CHRNA7: variants seen among roughly 807,000 people sequenced by gnomAD.
CHRNA7 encodes neuronal acetylcholine receptor subunit alpha-7.
Under a neutral mutation model 48.0 loss-of-function variants are expected in CHRNA7, and 17 were observed. The observed-to-expected ratio is 0.35, with a 90% CI of 0.24 to 0.53. The LOEUF (loss-of-function observed/expected upper bound fraction) is 0.53. CHRNA7 is among the 20% of genes least tolerant of loss of function. The pLI is 0.92. For missense variants in CHRNA7, 155 were observed against 577.7 expected (o/e 0.27, Z 7.50); for synonymous variants, 75 against 242.3 (o/e 0.31, Z 6.41).
intron 2 of CHRNA7, among the ~76,000 whole-genome samples, chr15:32,062,751 C>T (rs1285696953): frequency 6.6e-6 from 1 of 152,184 alleles, no homozygotes; most frequent in Non-Finnish European, 1.5e-5. Flanking sequence ...GGGCTTCCTA[C>T]AACTTCCTCA....
Position 32,111,838 on chromosome 15 carries a change from G to A in CHRNA7, c.289G>A (p.Val97Met), listed in dbSNP as rs2050766803. The change falls in exon 4 of 10, where the codon GTG becomes ATG. Residue 97 changes from valine to methionine, a missense_variant. By Grantham distance (21) the Val-to-Met change is conservative. Coordinates refer to ENST00000306901, the MANE Select transcript of CHRNA7 (RefSeq NM_000746.6). ...GTGGAATGTGTCAGAATATCCAGGGGTGAAGACTGTTCGTTTCCCAGATGG... is the reference window on the plus strand; with the variant it reads ...GTGGAATGTGTCAGAATATCCAGGGATGAAGACTGTTCGTTTCCCAGATGG... ...LQWNVSEYPG[V>M]KTVRFPDGQI... 1 of 1,613,860 alleles carries A rather than the reference G, an allele frequency of 6.2e-7. No homozygotes were observed. Among genetic ancestry groups the A allele is most frequent in the Admixed American group, 1.7e-5 (1 of 60,008 alleles).
chr15:32,046,807 A>G (rs1165266487), intron 2 of CHRNA7, among the ~76,000 whole-genome samples: 1 of 151,902 alleles, frequency 6.6e-6, no homozygotes, highest in Non-Finnish European at 1.5e-5. Flanking sequence ...TTTTAGGTCT[A>G]ACGTTTAAGT....
chr15:32,062,842 C>T (rs2049901288), intron 2 of CHRNA7, among the ~76,000 whole-genome samples: 1 of 152,098 alleles, frequency 6.6e-6, no homozygotes, highest in African/African-American at 2.4e-5. Flanking sequence ...CTGAGAAATG[C>T]ATTATTAGGC....
At chr15:32,123,478 C>A (rs575910584) in intron 4 of CHRNA7, among the ~76,000 whole-genome samples, 133 of 152,162 alleles carry the variant, frequency 8.7e-4, no homozygotes, top group Non-Finnish European at 1.0e-3. Flanking sequence ...TCATGGATCC[C>A]TGGCATGGGT....
rs367995964 is a variant in CHRNA7, at chr15:32,071,953, A to G, written c.196-29350A>G. Among the ~76,000 whole-genome samples the G allele has an allele frequency of 3.3e-5, 5 of 152,196 alleles. No individual in the cohort carries two copies. In the East Asian group the frequency reaches 9.6e-4, roughly 29 times the overall value. On this transcript the variant is annotated intron_variant, in intron 2 of 9. Transcript: ENST00000306901. ...AAAGATACTTGAAAATGAGGAATTAATTTTGGAACTGGGTATGGGCAGAGG... is the reference window on the plus strand; with the variant it reads ...AAAGATACTTGAAAATGAGGAATTAGTTTTGGAACTGGGTATGGGCAGAGG...
At position 32,033,220 on chromosome 15, in the gene CHRNA7, A is replaced by C. The variant is rs540676131; in HGVS notation, c.195+2183A>C. On this transcript the variant is annotated intron_variant, in intron 2 of 9. Transcript: ENST00000306901. Reference sequence around the variant, plus strand: ...TTGAACAAACTCACTTACCTTTCTAAGCTCTGTTTTCTCATGTGTTAAATG... The same window carrying C: ...TTGAACAAACTCACTTACCTTTCTACGCTCTGTTTTCTCATGTGTTAAATG... 1.1e-4 allele frequency among the ~76,000 whole-genome samples: 17 copies of C among 152,294 alleles called. 1 individual carries two copies. The highest frequency in any genetic ancestry group is 9.1e-4 in the Admixed American group (14 of 15,302).
intron 4 of CHRNA7, among the ~76,000 whole-genome samples, chr15:32,112,740 A>G (rs2050784265): frequency 6.6e-6 from 1 of 152,182 alleles, no homozygotes; most frequent in Non-Finnish European, 1.5e-5. Context: ...ATTGCCCTCC[A>G]TGGTCACTCG....
chr15:32,046,594 G>T (rs1011752022), intron 2 of CHRNA7, among the ~76,000 whole-genome samples: 2 of 152,014 alleles, frequency 1.3e-5, no homozygotes, highest in Non-Finnish European at 2.9e-5. Context: ...AGTAGGTCGC[G>T]AAAAGTTTCT....
intron 2 of CHRNA7, among the ~76,000 whole-genome samples, chr15:32,073,117 A>G (rs926084740): frequency 6.6e-6 from 1 of 152,204 alleles, no homozygotes. Flanking sequence ...GTGAGCAGCC[A>G]CAGAGAGGGC....
intron 2 of CHRNA7, among the ~76,000 whole-genome samples, chr15:32,077,949 C>T (rs766369714): frequency 2.2e-4 from 33 of 152,174 alleles, no homozygotes; most frequent in Non-Finnish European, 2.9e-4. Flanking sequence ...GGATTTGCCC[C>T]GTGACCCAAA....
chr15:32,124,945 G>A (rs900752134), intron 4 of CHRNA7, among the ~76,000 whole-genome samples: 2 of 152,170 alleles, frequency 1.3e-5, no homozygotes, highest in African/African-American at 4.8e-5. Context: ...CAGATCCGTG[G>A]GTGCTTTGAT....
chr15:32,106,603 AG>A (rs2141270632), intron 3 of CHRNA7, among the ~76,000 whole-genome samples: 1 of 152,228 alleles, frequency 6.6e-6, no homozygotes, highest in Non-Finnish European at 1.5e-5. Context: ...TCATTTTGAG[AG>A]GGTTGTCAGA....
At chr15:32,031,938 A>C (rs1455768859) in intron 2 of CHRNA7, among the ~76,000 whole-genome samples, 1 of 152,130 alleles carries the variant, frequency 6.6e-6, no homozygotes, top group Non-Finnish European at 1.5e-5. Flanking sequence ...GTTCATTGGG[A>C]GGGAGAGCAT....
chr15:32,046,774 G>C (rs1327950926), intron 2 of CHRNA7, among the ~76,000 whole-genome samples: 5 of 151,970 alleles, frequency 3.3e-5, no homozygotes, highest in Admixed American at 2.6e-4. Context: ...TAATGCCTAG[G>C]TTTTCTTCTA....
At chr15:32,124,780 G>T (rs2051035884) in intron 4 of CHRNA7, among the ~76,000 whole-genome samples, 2 of 152,192 alleles carry the variant, frequency 1.3e-5, no homozygotes, top group Admixed American at 1.3e-4. Context: ...TCTAGGAGGG[G>T]ATTGGGTCAT....
intron 2 of CHRNA7, among the ~76,000 whole-genome samples, chr15:32,088,387 T>C (rs2141242497): frequency 6.6e-6 from 1 of 152,370 alleles, no homozygotes; most frequent in South Asian, 2.1e-4. Flanking sequence ...TGCATTAGGC[T>C]GCTATAAACA....
intron 1 of CHRNA7, 108 bp downstream of exon 1, chr15:32,030,757 CG>C: frequency 1.3e-6 from 2 of 1,511,226 alleles, no homozygotes; most frequent in Non-Finnish European, 8.8e-7. Context: ...TCCCCGCCGC[CG>C]GGGAGGGGCA....
At chr15:32,139,549 G>A (rs886872479) in intron 4 of CHRNA7, among the ~76,000 whole-genome samples, 6 of 151,160 alleles carry the variant, frequency 4.0e-5, no homozygotes, top group Admixed American at 2.6e-4. Context: ...TCTGGATTTT[G>A]GTCATTCTAA....
chr15:32,128,435 A>G (rs945240227), intron 4 of CHRNA7, among the ~76,000 whole-genome samples: 1 of 151,798 alleles, frequency 6.6e-6, no homozygotes, highest in African/African-American at 2.4e-5. Context: ...CTCTTATTTC[A>G]ATCTTCTATG....
Sources: allele counts gnomAD v4.1 joint callset (sites outside exome capture counted in the v4.1 genomes callset), GRCh38; gene constraint gnomAD v4.1.1; transcripts MANE v1.5; gene names NCBI Gene and HGNC (gene_info 2026-07-23, HGNC 2026-07-21).